CTNNA3: variants seen among roughly 807,000 people sequenced by gnomAD.
CTNNA3 encodes the protein catenin alpha-3.
Under a neutral mutation model 95.7 loss-of-function variants are expected in CTNNA3, and 76 were observed. The ratio of observed to expected loss-of-function variants is 0.79; its 90% CI spans 0.66 to 0.96. CTNNA3 has a LOEUF of 0.96. Ranked by LOEUF, CTNNA3 falls within the 40% of genes least tolerant of loss-of-function variation. CTNNA3 has a pLI of 0.00. For missense variants in CTNNA3, 1,191 were observed against 1,089.8 expected, an observed-to-expected ratio of 1.09 and a Z score of -1.31; for synonymous variants, 431 against 374.4, an observed-to-expected ratio of 1.15 and a Z score of -1.74.
chr10:66,512,453 T>C (rs1840696189), intron 11 of CTNNA3, among the ~76,000 whole-genome samples: 1 of 152,092 alleles, frequency 6.6e-6, no homozygotes, highest in Admixed American at 6.5e-5. Flanking sequence ...AGTTCCTTTC[T>C]TCTTTTATTA....
chr10:67,001,116 CA>C (rs1851659016), intron 7 of CTNNA3, among the ~76,000 whole-genome samples: 1 of 151,632 alleles, frequency 6.6e-6, no homozygotes, highest in African/African-American at 2.4e-5. Context: ...TCCTGGCCAA[CA>C]TGATGAAACC....
In CTNNA3 at chr10:66,001,764, G is replaced by A. The variant is rs2078774297; in HGVS notation, c.2160-12967C>T. ...ACTTATTTTTTACTGTTCTTAAGGT[G>A]CATCAGCACCTTTTCACTTTTTTAA... On this transcript the variant is annotated intron_variant, in intron 15 of 17. Coordinates refer to ENST00000433211, the MANE Select transcript of CTNNA3 (RefSeq NM_013266.4). Among the ~76,000 whole-genome samples the A allele has an allele frequency of 2.6e-5, 4 of 151,938 alleles. No homozygotes were observed. The South Asian group carries it at 6.2e-4, about 24-fold the overall frequency.
intron 10 of CTNNA3, among the ~76,000 whole-genome samples, chr10:66,553,274 T>C (rs993601991): frequency 3.9e-5 from 6 of 152,034 alleles, no homozygotes; most frequent in African/African-American, 1.4e-4. Flanking sequence ...TTATATTTGG[T>C]GGAATTACTG....
chr10:66,347,050 C>T (rs950049767), intron 12 of CTNNA3, among the ~76,000 whole-genome samples: 1 of 151,714 alleles, frequency 6.6e-6, no homozygotes, highest in Non-Finnish European at 1.5e-5. Context: ...AATTCATGTA[C>T]TAGAGTGATC....
Position 67,652,673 on chromosome 10 carries a change from T to C in CTNNA3, c.-5-5155A>G, listed in dbSNP as rs138800028. Among the ~76,000 whole-genome samples the C allele has an allele frequency of 2.5e-3, 385 of 152,230 alleles. 1 individual carries two copies. Among genetic ancestry groups the C allele is most frequent in the Non-Finnish European group, 4.0e-3 (270 of 68,026 alleles). On this transcript the variant is annotated intron_variant, in intron 1 of 17. Transcript: ENST00000433211. Reference sequence around the variant, plus strand: ...AGATATCATACATAATACCAGAACATATGGATTTATATATTTAATACGAAT... The same window carrying C: ...AGATATCATACATAATACCAGAACACATGGATTTATATATTTAATACGAAT...
At chr10:67,336,521 A>T (rs1323697783) in intron 5 of CTNNA3, among the ~76,000 whole-genome samples, 1 of 152,210 alleles carries the variant, frequency 6.6e-6, no homozygotes, top group Non-Finnish European at 1.5e-5. Flanking sequence ...TATCCAGGAG[A>T]TTAGCCCAGA....
chr10:66,804,802 T>A (rs917478746), intron 7 of CTNNA3, among the ~76,000 whole-genome samples: 2 of 152,024 alleles, frequency 1.3e-5, no homozygotes, highest in African/African-American at 4.8e-5. Context: ...TAGAAAAGAG[T>A]TAACATAGCA....
At chr10:66,290,667 A>G in intron 12 of CTNNA3, among the ~76,000 whole-genome samples, 1 of 149,716 alleles carries the variant, frequency 6.7e-6, no homozygotes, top group Middle Eastern at 3.2e-3. Flanking sequence ...AGAGAGTTAA[A>G]GTACTAGAGT....
intron 9 of CTNNA3, among the ~76,000 whole-genome samples, chr10:66,700,014 CT>C (rs1277229344): frequency 6.6e-6 from 1 of 151,552 alleles, no homozygotes; most frequent in Non-Finnish European, 1.5e-5. Flanking sequence ...TTGTTTTTTG[CT>C]ATTGTGTGAG....
At chr10:66,116,348 A>C (rs935255688) in intron 13 of CTNNA3, among the ~76,000 whole-genome samples, 2 of 152,206 alleles carry the variant, frequency 1.3e-5, no homozygotes, top group African/African-American at 4.8e-5. Context: ...AAATATATAC[A>C]CACCATAGAA....
chr10:67,686,965 A>G (rs1840744309), intron 1 of CTNNA3, among the ~76,000 whole-genome samples: 1 of 152,146 alleles, frequency 6.6e-6, no homozygotes, highest in Non-Finnish European at 1.5e-5. Flanking sequence ...GCTTTGGCTA[A>G]TATGTCCCTC....
intron 2 of CTNNA3, among the ~76,000 whole-genome samples, chr10:67,641,405 G>C (rs1191674891): frequency 2.7e-5 from 4 of 150,722 alleles, no homozygotes; most frequent in Non-Finnish European, 2.9e-5. Context: ...TTACACTATT[G>C]GTGGGACTGT....
chr10:66,987,110 C>T (rs756479725), intron 7 of CTNNA3, among the ~76,000 whole-genome samples: 2 of 152,156 alleles, frequency 1.3e-5, no homozygotes, highest in Non-Finnish European at 2.9e-5. Flanking sequence ...TTTTAGAGGA[C>T]AGCAAGCAGG....
chr10:66,278,590 T>C (rs1354469767), intron 13 of CTNNA3, among the ~76,000 whole-genome samples: 7 of 152,062 alleles, frequency 4.6e-5, no homozygotes, highest in African/African-American at 1.7e-4. Context: ...CAAGATAATT[T>C]GATTTGCTAT....
At chr10:66,266,033 AGGAGGGAGAGAG>A (rs147230366) in intron 13 of CTNNA3, among the ~76,000 whole-genome samples, 11,949 of 148,776 alleles carry the variant, frequency 0.08, 1,522 homozygotes, top group African/African-American at 0.26. Context: ...AAAGAAAGGA[AGGAGGGAGAGAG>A]GGAGGGAGGG....
At chr10:67,703,626 C>G (rs1841058868) in intron 1 of CTNNA3, among the ~76,000 whole-genome samples, 1 of 152,158 alleles carries the variant, frequency 6.6e-6, no homozygotes, top group Non-Finnish European at 1.5e-5. Flanking sequence ...GGATGTATCT[C>G]AAAATAATAA....
At chr10:66,770,706 A>G (rs10822914) in intron 8 of CTNNA3, among the ~76,000 whole-genome samples, 129,186 of 151,996 alleles carry the variant, frequency 0.85, 55,196 homozygotes, top group East Asian at 1. Context: ...CCCACCAAAT[A>G]AAGGAACAGA....
chr10:67,410,775 T>G (rs1340216141), intron 5 of CTNNA3, among the ~76,000 whole-genome samples: 2 of 152,154 alleles, frequency 1.3e-5, no homozygotes, highest in Non-Finnish European at 2.9e-5. Context: ...CTATGTTCAC[T>G]GCAGCCAAGA....
Position 66,493,599 on chromosome 10 carries a change from A to ATTT in CTNNA3, c.1531+27015_1531+27017dup, listed in dbSNP as rs528761424. Among the ~76,000 whole-genome samples, 21 of 112,012 alleles carry ATTT rather than the reference A, an allele frequency of 1.9e-4. 1 individual carries two copies. Among genetic ancestry groups the ATTT allele is most frequent in the East Asian group, 1.5e-3 (4 of 2,676 alleles). 73.5% of individuals were successfully genotyped at this position (112,012 alleles called of 152,430 possible). A position where few individuals can be genotyped will look rare whatever the true frequency, so the allele number is the denominator to read the frequency against. ...GGGTTGGCTAACATTTAACTACAGT[A>ATTT]TTTTTTTTTTTTTTTTTTTTGAGAC... On this transcript the variant is annotated intron_variant, in intron 11 of 17. Coordinates refer to ENST00000433211, the MANE Select transcript of CTNNA3 (RefSeq NM_013266.4).
Sources: gnomAD v4.1 joint callset for allele counts (sites outside exome capture counted in the v4.1 genomes callset) on GRCh38, gnomAD v4.1.1 for gene constraint, MANE v1.5 for transcripts, NCBI Gene and HGNC (gene_info 2026-07-23, HGNC 2026-07-21) for gene names.